PRH1: variants seen among roughly 807,000 people sequenced by gnomAD.
PRH1 encodes the protein proline rich protein HaeIII subfamily 1.
PRH1 carries 7 observed loss-of-function variants against 7.9 expected under a neutral mutation model. The observed-to-expected ratio is 0.89, with a 90% confidence interval of 0.50 to 1.67. The LOEUF (loss-of-function observed/expected upper bound fraction) is 1.67, where lower values mean the gene tolerates loss of function less well. Ranked by LOEUF, PRH1 falls within the 40% of genes most tolerant of loss-of-function variation. The probability of loss-of-function intolerance (pLI) is 0.00; values close to 1 mark genes in which losing one functional copy is unlikely to be tolerated. For synonymous variants in PRH1, 45 were observed against 80.8 expected (o/e 0.56, Z 2.38); for missense variants, 109 against 223.6 (o/e 0.49, Z 3.27).
chr12:10,992,318 C>T (rs1389024925), intron 1 of PRH1, among the ~76,000 whole-genome samples: 1 of 151,298 alleles, frequency 6.6e-6, no homozygotes, highest in Non-Finnish European at 1.5e-5. Context: ...AACATGGGGC[C>T]TGAACTAACA....
intron 1 of PRH1, among the ~76,000 whole-genome samples, chr12:11,145,064 T>A (rs1402770599): frequency 6.6e-6 from 1 of 152,260 alleles, no homozygotes; most frequent in African/African-American, 2.4e-5. Context: ...AGCATCCACA[T>A]GCTGGTCTGT....
chr12:10,891,221 T>C (rs1176768417), intron 2 of PRH1, among the ~76,000 whole-genome samples: 2 of 152,194 alleles, frequency 1.3e-5, no homozygotes, highest in Non-Finnish European at 2.9e-5. Context: ...ATAAGCATTA[T>C]TGCCACTACT....
intron 2 of PRH1, chr12:10,932,252 T>C (rs1193018142): frequency 1.1e-5 from 5 of 436,012 alleles, no homozygotes; most frequent in South Asian, 4.8e-5. Context: ...TGACAGTGTT[T>C]CAAATGCCTT....
At chr12:11,054,852 G>C (rs1284100502) in intron 1 of PRH1, among the ~76,000 whole-genome samples, 2 of 125,620 alleles carry the variant, frequency 1.6e-5, no homozygotes, top group African/African-American at 3.0e-5. Context: ...ACCCAGGCTG[G>C]AGTGCAGTGG....
intron 1 of PRH1, among the ~76,000 whole-genome samples, chr12:10,988,105 C>A (rs1028741722): frequency 6.6e-6 from 1 of 152,056 alleles, no homozygotes; most frequent in African/African-American, 2.4e-5. Flanking sequence ...CCTAAATTGG[C>A]CAAAGTCTAA....
chr12:11,046,665 G>GT (rs1372288153), intron 1 of PRH1, among the ~76,000 whole-genome samples: 5 of 151,992 alleles, frequency 3.3e-5, no homozygotes, highest in Admixed American at 6.6e-5. Context: ...ATGAATGGCT[G>GT]TTTTTTTAAA....
upstream of PRH1, among the ~76,000 whole-genome samples, chr12:10,886,314 T>C (rs150382022): frequency 8.5e-4 from 129 of 152,272 alleles, no homozygotes; most frequent in African/African-American, 2.8e-3. Flanking sequence ...TATTGCCTGA[T>C]GATGTGGGGG....
At chr12:10,975,003 A>G (rs887340178) in intron 1 of PRH1, among the ~76,000 whole-genome samples, 2 of 152,244 alleles carry the variant, frequency 1.3e-5, no homozygotes, top group Admixed American at 6.5e-5. Flanking sequence ...TCAGAACACA[A>G]TGGAAAGTAT....
At chr12:10,963,786 C>G (rs779416136) in intron 2 of PRH1, among the ~76,000 whole-genome samples, 2 of 152,090 alleles carry the variant, frequency 1.3e-5, no homozygotes, top group Non-Finnish European at 2.9e-5. Flanking sequence ...TAGACATATA[C>G]AAAATGTATT....
intron 2 of PRH1, among the ~76,000 whole-genome samples, chr12:10,926,307 C>T (rs1158351443): frequency 6.6e-6 from 1 of 152,208 alleles, no homozygotes. Context: ...AGAAGTTTAT[C>T]CCCTCTGCCA....
At chr12:11,030,025 T>G (rs972535146) in intron 1 of PRH1, among the ~76,000 whole-genome samples, 1 of 152,222 alleles carries the variant, frequency 6.6e-6, no homozygotes, top group Admixed American at 6.5e-5. Flanking sequence ...ATATTTATCC[T>G]GGGATAAGCT....
intron 1 of PRH1, among the ~76,000 whole-genome samples, chr12:11,135,650 T>C (rs574073435): frequency 6.6e-6 from 1 of 152,306 alleles, no homozygotes; most frequent in African/African-American, 2.4e-5. Context: ...ACAACCTTGT[T>C]GTGTCAGGAA....
intron 1 of PRH1, among the ~76,000 whole-genome samples, chr12:11,070,139 T>C (rs1228464882): frequency 2.0e-5 from 3 of 147,212 alleles, no homozygotes; most frequent in Non-Finnish European, 4.5e-5. Context: ...CTAAAAATAA[T>C]AATTGGTCAC....
intron 1 of PRH1, among the ~76,000 whole-genome samples, chr12:11,052,524 AAAG>A (rs1214151063): frequency 6.6e-6 from 1 of 152,158 alleles, no homozygotes; most frequent in Non-Finnish European, 1.5e-5. Flanking sequence ...TGTGATTACT[AAAG>A]ATATATGCTG....
At chr12:10,935,944 G>T (rs1290549509) in intron 2 of PRH1, among the ~76,000 whole-genome samples, 1 of 152,192 alleles carries the variant, frequency 6.6e-6, no homozygotes, top group East Asian at 1.9e-4. Context: ...GACATTACAG[G>T]CTTGGCATCT....
At chr12:10,907,955 C>A in intron 2 of PRH1, 1 of 159,290 alleles carries the variant, frequency 6.3e-6, no homozygotes, top group Non-Finnish European at 1.4e-5. Flanking sequence ...AATTCTATTC[C>A]AAATAACTGT....
At chr12:11,108,251 C>T (rs1269200656) in intron 1 of PRH1, among the ~76,000 whole-genome samples, 3 of 152,004 alleles carry the variant, frequency 2.0e-5, no homozygotes, top group Non-Finnish European at 2.9e-5. Context: ...ATAAAACGTA[C>T]GGGTAATAGT....
At chr12:11,030,763 G>T (rs375098338) in intron 1 of PRH1, 24 of 1,614,010 alleles carry the variant, frequency 1.5e-5, no homozygotes, top group Non-Finnish European at 2.0e-5. Flanking sequence ...AACATAGCAG[G>T]GTCAGAGTGA....
At chr12:10,918,880 TC>T (rs1473628488) in intron 2 of PRH1, among the ~76,000 whole-genome samples, 2 of 152,182 alleles carry the variant, frequency 1.3e-5, no homozygotes, top group Non-Finnish European at 2.9e-5. Context: ...TAAATTTTTT[TC>T]TACTGTTTAT....
Sources: allele counts gnomAD v4.1 joint callset (sites outside exome capture counted in the v4.1 genomes callset), GRCh38; gene constraint gnomAD v4.1.1; transcripts MANE v1.5; gene names NCBI Gene and HGNC (gene_info 2026-07-23, HGNC 2026-07-21).